Variants in COL23A1 observed in about 807,000 individuals in gnomAD.
COL23A1 encodes collagen type XXIII alpha 1 chain, also known as collagen alpha-1(XXIII) chain.
A neutral mutation model predicts 99.3 loss-of-function variants in COL23A1; 97 were observed. The ratio of observed to expected loss-of-function variants is 0.98; its 90% CI spans 0.83 to 1.16. The LOEUF (loss-of-function observed/expected upper bound fraction) is 1.16, where lower values mean the gene tolerates loss of function less well. Ranked by LOEUF, COL23A1 falls within the 50% of genes most tolerant of loss-of-function variation. The probability of loss-of-function intolerance (pLI) is 0.00; values close to 1 mark genes in which losing one functional copy is unlikely to be tolerated. For missense variants in COL23A1, 762 were observed against 757.4 expected (o/e 1.01, Z -0.07); for synonymous variants, 320 against 308.2 (o/e 1.04, Z -0.40).
chr5:178,449,667 C>A (rs773964728), intron 2 of COL23A1, among the ~76,000 whole-genome samples: 1 of 152,004 alleles, frequency 6.6e-6, no homozygotes, highest in Non-Finnish European at 1.5e-5. Flanking sequence ...CGCACCTCCC[C>A]CACCCCACCC....
rs1222880688 is a variant in COL23A1 at position 178,366,110 on chromosome 5, A to G, written c.362-59191T>C. On this transcript the variant is annotated intron_variant, in intron 2 of 28. Coordinates refer to ENST00000390654, the MANE Select transcript of COL23A1 (RefSeq NM_173465.4). The surrounding 1 kb of genome is among the most constrained non-coding windows in gnomAD (Gnocchi z 4.4). ...CAGCATCTGGCCCAGCCCCATGGGG[A>G]CCATCTGTTAAAGCTCCATCTACCC... 2.6e-5 allele frequency among the ~76,000 whole-genome samples: 4 copies of G among 151,998 alleles called. No individual in the cohort carries two copies. The highest frequency in any genetic ancestry group is 5.9e-5 in the Non-Finnish European group (4 of 67,986).
intron 2 of COL23A1, among the ~76,000 whole-genome samples, chr5:178,343,666 T>A (rs56303566): frequency 0.21 from 30,687 of 146,936 alleles, 3,530 homozygotes; most frequent in Middle Eastern, 0.27. Flanking sequence ...TATATATATT[T>A]TTTTTTTTTT....
intron 2 of COL23A1, among the ~76,000 whole-genome samples, chr5:178,529,038 T>C (rs939847002): frequency 6.6e-6 from 1 of 152,254 alleles, no homozygotes; most frequent in African/African-American, 2.4e-5. Flanking sequence ...CTCGCAGGGC[T>C]GGGCGGTTCT....
chr5:178,448,035 G>A (rs955695204), intron 2 of COL23A1, among the ~76,000 whole-genome samples: 17 of 152,212 alleles, frequency 1.1e-4, no homozygotes, highest in Non-Finnish European at 1.6e-4. Context: ...CCCCCAATGC[G>A]ACAGTATTGA....
At position 178,282,034 on chromosome 5, in the gene COL23A1, A is replaced by G. The variant is rs551915185; in HGVS notation, c.441+6290T>C. On this transcript the variant is annotated intron_variant, in intron 5 of 28. Coordinates refer to ENST00000390654, the MANE Select transcript of COL23A1 (RefSeq NM_173465.4). ...GCCACTGCACTCCAGCCTGGGCGAC[A>G]GAGCAAGACACTGTCTCCAAAAAAA... 1.0e-3 allele frequency among the ~76,000 whole-genome samples: 149 copies of G among 142,324 alleles called. 2 individuals carry two copies. The South Asian group carries it at 0.023, about 22-fold the overall frequency. 93.4% of individuals were successfully genotyped at this position (142,324 alleles called of 152,430 possible).
At chr5:178,561,820 G>C (rs559473603) in intron 1 of COL23A1, 1 of 225,786 alleles carries the variant, frequency 4.4e-6, no homozygotes, top group Non-Finnish European at 9.0e-6. Flanking sequence ...TAGAGGAGGA[G>C]AGAATTTGCA....
intron 2 of COL23A1, among the ~76,000 whole-genome samples, chr5:178,455,387 G>A (rs747091518): frequency 3.9e-5 from 6 of 152,150 alleles, no homozygotes; most frequent in South Asian, 4.1e-4. Flanking sequence ...CCCTGGCATC[G>A]GCTGACACAG....
chr5:178,512,412 A>G (rs963719653), intron 2 of COL23A1, among the ~76,000 whole-genome samples: 1 of 152,178 alleles, frequency 6.6e-6, no homozygotes, highest in Non-Finnish European at 1.5e-5. Flanking sequence ...TCATTTATGG[A>G]CTTTCCTGAA....
chr5:178,353,367 T>C (rs1198869599), intron 2 of COL23A1, among the ~76,000 whole-genome samples: 1 of 152,132 alleles, frequency 6.6e-6, no homozygotes, highest in African/African-American at 2.4e-5. Flanking sequence ...TATTGAAAAT[T>C]TTTTTCATGA....
intron 2 of COL23A1, among the ~76,000 whole-genome samples, chr5:178,403,230 T>C (rs978115252): frequency 6.6e-6 from 1 of 152,160 alleles, no homozygotes; most frequent in South Asian, 2.1e-4. Flanking sequence ...CAGTGTTTTA[T>C]CTCATTTAAT....
intron 3 of COL23A1, among the ~76,000 whole-genome samples, chr5:178,297,040 C>T (rs1297365435): frequency 6.6e-6 from 1 of 152,254 alleles, no homozygotes; most frequent in Non-Finnish European, 1.5e-5. Flanking sequence ...TCCTGCATGG[C>T]CCAGTCCTTG....
intron 2 of COL23A1, among the ~76,000 whole-genome samples, chr5:178,431,877 T>C (rs1766284680): frequency 6.6e-6 from 1 of 152,218 alleles, no homozygotes; most frequent in Admixed American, 6.5e-5. Context: ...TCACGAAATA[T>C]CTCACTTGGA....
At chr5:178,476,283 C>T (rs1757024174) in intron 2 of COL23A1, among the ~76,000 whole-genome samples, 1 of 152,194 alleles carries the variant, frequency 6.6e-6, no homozygotes, top group African/African-American at 2.4e-5. Flanking sequence ...ACCCCTTTCC[C>T]AGCGGTATAA....
chr5:178,360,938 A>G lies in COL23A1; in HGVS notation c.362-54019T>C, dbSNP rs369329832. The stretch of plus-strand genomic sequence containing the variant: ...CTTTATCAGGCCAACACGACGCTGA[A>G]GAACAACAGAAGACGTTTTTGACAT... On this transcript the variant is annotated intron_variant, in intron 2 of 28. Coordinates refer to ENST00000390654, the MANE Select transcript of COL23A1 (RefSeq NM_173465.4). Among the ~76,000 whole-genome samples, 9 of 152,322 alleles carry G rather than the reference A, an allele frequency of 5.9e-5. No homozygotes were observed. The East Asian group carries it at 1.4e-3, about 23-fold the overall frequency.
At chr5:178,555,667 G>A (rs1182097190) in intron 2 of COL23A1, among the ~76,000 whole-genome samples, 1 of 152,182 alleles carries the variant, frequency 6.6e-6, no homozygotes, top group Non-Finnish European at 1.5e-5. Context: ...GAATGCAAGG[G>A]CCACAGTGAC....
chr5:178,335,332 T>C (rs1004490736), intron 2 of COL23A1, among the ~76,000 whole-genome samples: 2 of 152,346 alleles, frequency 1.3e-5, no homozygotes, highest in Admixed American at 1.3e-4. Context: ...TTTAAAGTGA[T>C]GGAAGGGCTT....
chr5:178,477,640 C>A (rs1300556037), intron 2 of COL23A1, among the ~76,000 whole-genome samples: 1 of 152,138 alleles, frequency 6.6e-6, no homozygotes, highest in African/African-American at 2.4e-5. Context: ...GAAGGACACC[C>A]GAAGTTCGTG....
At chr5:178,392,884 T>C (rs1323713755) in intron 2 of COL23A1, among the ~76,000 whole-genome samples, 1 of 152,016 alleles carries the variant, frequency 6.6e-6, no homozygotes, top group African/African-American at 2.4e-5. Context: ...GTGCCAGCGC[T>C]GAAGAGAAAC....
Position 178,304,324 on chromosome 5 carries a change from C to T in COL23A1, c.406+2551G>A, listed in dbSNP as rs185765692. On this transcript the variant is annotated intron_variant, in intron 3 of 28. Transcript: ENST00000390654. The stretch of plus-strand genomic sequence containing the variant: ...AGGTGTTCAAGACCAGCCTGGCCAA[C>T]GTGGTGAAATCCCCCGTCTCTATTA... 5.1e-3 allele frequency among the ~76,000 whole-genome samples: 782 copies of T among 152,166 alleles called. 3 individuals are homozygous for T. The highest frequency in any genetic ancestry group is 0.017 in the African/African-American group (695 of 41,538).
Sources: gnomAD v4.1 joint callset for allele counts (sites outside exome capture counted in the v4.1 genomes callset) on GRCh38, gnomAD v4.1.1 for gene constraint, Gnocchi (gnomAD v3.1) non-coding constraint, MANE v1.5 for transcripts, NCBI Gene and HGNC (gene_info 2026-07-23, HGNC 2026-07-21) for gene names.